Variants in MKS1 observed in about 807,000 individuals in gnomAD.
MKS1 encodes the protein tectonic-like complex member MKS1.
A neutral mutation model predicts 83.7 loss-of-function variants in MKS1; 70 were observed. That is an observed-to-expected ratio of 0.84 (90% CI 0.69 to 1.02). MKS1 has a LOEUF of 1.02. Among genes scored for constraint, MKS1 ranks in the 50% least tolerant of loss-of-function variants. The probability of loss-of-function intolerance (pLI) is 0.00; values close to 1 mark genes in which losing one functional copy is unlikely to be tolerated. For synonymous variants in MKS1, 251 were observed against 273.4 expected (o/e 0.92, Z 0.81); for missense variants, 681 against 726.9 (o/e 0.94, Z 0.73).
chr17:58,215,913 T>C, intron 4 of MKS1, 175 bp downstream of exon 4: 2 of 773,342 alleles, frequency 2.6e-6, no homozygotes, highest in East Asian at 2.7e-5. Flanking sequence ...TCACCACCTG[T>C]AGACTGTGCC....
At chr17:58,217,742 T>C (rs541139821) in intron 2 of MKS1, among the ~76,000 whole-genome samples, 1 of 152,202 alleles carries the variant, frequency 6.6e-6, no homozygotes, top group East Asian at 1.9e-4. Flanking sequence ...GAGACCAAGG[T>C]TTACAGTGAG....
chr17:58,207,067 T>A lies in MKS1; in HGVS notation c.1407+18A>T. ...CCATAAGTTCTCAGCGTGAAGTCAC[T>A]CCAAAGACAAAAGTCACCTTGAAGG... is the stretch of plus-strand genomic sequence containing the variant. On this transcript the variant is annotated intron_variant, in intron 15 of 17. Transcript: ENST00000393119. 3.1e-6 allele frequency: 5 copies of A among 1,614,050 alleles called. No homozygotes were observed. Among genetic ancestry groups the A allele is most frequent in the Non-Finnish European group, 4.2e-6 (5 of 1,179,998 alleles).
In MKS1 at chr17:58,218,590, T is replaced by C. The variant is rs766561795; in HGVS notation, c.190+30A>G. 3 of 1,475,832 alleles carry C rather than the reference T, an allele frequency of 2.0e-6. No homozygotes were observed. The Admixed American group carries it at 5.0e-5, about 25-fold the overall frequency. The allele number at this position is 1,475,832 out of a possible 1,614,324, so 91.4% of individuals were successfully genotyped here. A position where few individuals can be genotyped will look rare whatever the true frequency, so the allele number is the denominator to read the frequency against. ...TTCTGATTAGTATCATAATTAGTAT[T>C]AGATGGCACATCACCACCGTAACAC... On this transcript the variant is annotated intron_variant, in intron 2 of 17. Transcript: ENST00000393119.
chr17:58,212,441 A>C lies in MKS1; in HGVS notation c.859-7T>G. The C allele has an allele frequency of 6.2e-7, 1 of 1,614,218 alleles. No homozygotes were observed. Among genetic ancestry groups the C allele is most frequent in the Non-Finnish European group, 8.5e-7 (1 of 1,180,046 alleles). On this transcript the variant is annotated splice_region_variant and splice_polypyrimidine_tract_variant and intron_variant, in intron 8 of 17. Transcript: ENST00000393119. The stretch of plus-strand genomic sequence containing the variant: ...CCTTGTGCCGGCCATAAAGCTGAGG[A>C]AACAAACCAAACCAAAACTCAAGAT...
chr17:58,216,768 G>C lies in MKS1; in HGVS notation c.191-32C>G, dbSNP rs746921667. On this transcript the variant is annotated intron_variant, in intron 2 of 17. Coordinates refer to ENST00000393119, the MANE Select transcript of MKS1 (RefSeq NM_017777.4). The stretch of plus-strand genomic sequence containing the variant: ...AGACAACAGAGTGAATCAAATGCTT[G>C]AGCCAAACCAGCACCACTTCTTGTT... 2.5e-6 allele frequency: 4 copies of C among 1,605,824 alleles called. No individual in the cohort carries two copies. The South Asian group carries it at 4.4e-5, about 18-fold the overall frequency.
At position 58,205,918 on chromosome 17, in the gene MKS1, G is replaced by A; in HGVS notation, c.*161C>T. On this transcript the variant is annotated 3_prime_UTR_variant, in exon 18 of 18. Transcript: ENST00000393119. ...TTCCACAGGGTAGGGAGAAGACCCT[G>A]CAGAAGGCTAGGCAGAGGGGCCAGC... 1.3e-6 allele frequency: 2 copies of A among 1,488,346 alleles called. No homozygotes were observed. The highest frequency in any genetic ancestry group is 2.6e-5 in the South Asian group (2 of 76,238). 92.2% of individuals were successfully genotyped at this position (1,488,346 alleles called of 1,614,324 possible).
rs570091079 is a variant in MKS1 at position 58,218,801 on chromosome 17, G to A, written c.81-72C>T. ...AGATGAACACAAAGCAAGGATGGGG[G>A]AAACAAAACAGAGGAGGTAGGGTTG... On this transcript the variant is annotated intron_variant, in intron 1 of 17. Transcript: ENST00000393119. The A allele has an allele frequency of 6.9e-5, 93 of 1,355,522 alleles. 1 individual carries two copies. The South Asian group carries it at 1.0e-3, about 15-fold the overall frequency. 84.0% of individuals were successfully genotyped at this position (1,355,522 alleles called of 1,614,324 possible).
At chr17:58,219,028 G>A (rs756680575) in intron 1 of MKS1, 123 bp downstream of exon 1, 87 of 1,367,526 alleles carry the variant, frequency 6.4e-5, no homozygotes, top group Non-Finnish European at 7.8e-5. Context: ...GAAAGAAGTG[G>A]GGAGCCCGGA....
chr17:58,205,885 G>T lies in MKS1; in HGVS notation c.*194C>A. The T allele has an allele frequency of 6.9e-7, 1 of 1,444,220 alleles. No individual in the cohort carries two copies. Among genetic ancestry groups the T allele is most frequent in the Non-Finnish European group, 9.1e-7 (1 of 1,097,638 alleles). The allele number at this position is 1,444,220 out of a possible 1,614,324, so 89.5% of individuals were successfully genotyped here. ...ATAAAGGGGGGGCCACAGGGTCTCTGGCTTTATTTCCACAGGGTAGGGAGA... is the reference window on the plus strand; with the variant it reads ...ATAAAGGGGGGGCCACAGGGTCTCTTGCTTTATTTCCACAGGGTAGGGAGA... On this transcript the variant is annotated 3_prime_UTR_variant, in exon 18 of 18. Coordinates refer to ENST00000393119, the MANE Select transcript of MKS1 (RefSeq NM_017777.4).
rs545852012 is a variant in MKS1, at chr17:58,216,082, C to G, written c.417+6G>C. ...GGAAGCTATGAGACCCTAGAAAGAACAATACCTCCTCCAAATTGGTGTATC... is the reference window on the plus strand; with the variant it reads ...GGAAGCTATGAGACCCTAGAAAGAAGAATACCTCCTCCAAATTGGTGTATC... On this transcript the variant is annotated splice_donor_region_variant and intron_variant, in intron 4 of 17. Coordinates refer to ENST00000393119, the MANE Select transcript of MKS1 (RefSeq NM_017777.4). 1 of 1,614,098 alleles carries G rather than the reference C, an allele frequency of 6.2e-7. No individual in the cohort carries two copies. The highest frequency in any genetic ancestry group is 1.3e-5 in the African/African-American group (1 of 75,050).
intron 15 of MKS1, 68 bp downstream of exon 15, chr17:58,207,017 T>A (rs1968554175): frequency 6.2e-7 from 1 of 1,606,462 alleles, no homozygotes; most frequent in South Asian, 1.1e-5. Flanking sequence ...TTGACCCAGA[T>A]CCCACCTCCT....
In MKS1 at chr17:58,211,004, G is replaced by A. The variant is rs767763740; in HGVS notation, c.934C>T (p.Arg312Trp). ...DFEMTVPGAL[R>W]LFVNGEVVSA... is the part of the protein sequence containing the mutation. ...CCGACCTCTCCATTTACAAAGAGCC[G>A]GAGGGCACCTGGGACAGTCTAAGGT... Residue 312 changes from arginine to tryptophan, a missense_variant, in exon 10 of 18, where the codon CGG (arginine) becomes TGG (tryptophan). Coordinates refer to ENST00000393119, the MANE Select transcript of MKS1 (RefSeq NM_017777.4). 2.0e-5 allele frequency: 32 copies of A among 1,613,920 alleles called. No individual in the cohort carries two copies. The highest frequency in any genetic ancestry group is 8.8e-5 in the South Asian group (8 of 91,076).
At position 58,207,218 on chromosome 17, in the gene MKS1, C is replaced by T; in HGVS notation, c.1274G>A (p.Gly425Asp). 1 of 1,613,988 alleles carries T rather than the reference C, an allele frequency of 6.2e-7. No homozygotes were observed. Among genetic ancestry groups the T allele is most frequent in the South Asian group, 1.1e-5 (1 of 91,074 alleles). ...YGAVVLPATPGSHTLTVSTWR... is the reference protein window; with the variant it reads ...YGAVVLPATPDSHTLTVSTWR... ...CGTGGAGACTGTCAGGGTGTGTGAG[C>T]CTGCGCAAGGGAAGAGAAGACTGGG... The change falls in exon 15 of 18, where the codon GGC (glycine) becomes GAC (aspartate). Residue 425 changes from glycine (G) to aspartate (D), a missense_variant and splice_region_variant. Physicochemically the swap from Gly to Asp is moderately conservative, Grantham distance 94 (BLOSUM62 -1). Transcript: ENST00000393119.
intron 4 of MKS1, chr17:58,215,879 C>T: frequency 1.6e-6 from 1 of 609,550 alleles, no homozygotes; most frequent in Non-Finnish European, 2.9e-6. Flanking sequence ...GGCCCTCTAG[C>T]AGGCAGAGAA....
chr17:58,205,468 AAAACAAAAAAACAAAC>A lies in MKS1; in HGVS notation c.*595_*610del, dbSNP rs1173475706. The stretch of plus-strand genomic sequence containing the variant: ...AAAATAAAAGGGGTTTATGTAACAA[AAAACAAAAAAACAAAC>A]AAACAAAAAAACACAGTAAAAGATA... On this transcript the variant is annotated 3_prime_UTR_variant, in exon 18 of 18. Coordinates refer to ENST00000393119, the MANE Select transcript of MKS1 (RefSeq NM_017777.4). 4.8e-6 allele frequency: 6 copies of A among 1,247,296 alleles called. No individual in the cohort carries two copies. In the East Asian group the frequency reaches 1.7e-4, roughly 35 times the overall value. 77.3% of individuals were successfully genotyped at this position (1,247,296 alleles called of 1,614,324 possible). A position where few individuals can be genotyped will look rare whatever the true frequency, so the allele number is the denominator to read the frequency against.
intron 14 of MKS1, 135 bp downstream of exon 14, chr17:58,207,759 G>C (rs769272253): frequency 1.1e-6 from 1 of 876,442 alleles, no homozygotes; most frequent in South Asian, 1.4e-5. Flanking sequence ...AGTCCTCAGA[G>C]GAACAGGAAC....
In MKS1 at chr17:58,216,251, TA is replaced by T. The variant is rs1284399606; in HGVS notation, c.262-9del. The T allele has an allele frequency of 1.2e-6, 2 of 1,611,296 alleles. No homozygotes were observed. The highest frequency in any genetic ancestry group is 2.7e-5 in the African/African-American group (2 of 74,936). On this transcript the variant is annotated splice_polypyrimidine_tract_variant and intron_variant, in intron 3 of 17. Transcript: ENST00000393119. ...GTACAGATCTACTTCAAACTGAGGT[TA>T]CCATAAGGAAACAGAGATGTGTACA... is the stretch of plus-strand genomic sequence containing the variant.
chr17:58,206,508 T>G lies in MKS1; in HGVS notation c.1447A>C (p.Thr483Pro), dbSNP rs369380403. The G allele has an allele frequency of 2.5e-6, 4 of 1,613,900 alleles. No individual in the cohort carries two copies. The African/African-American group carries it at 5.3e-5, about 22-fold the overall frequency. Residue 483 changes from threonine to proline, a missense_variant, in exon 16 of 18, where the codon ACA becomes CCA. Physicochemically the swap from Thr to Pro is conservative, Grantham distance 38 (BLOSUM62 -1). Coordinates refer to ENST00000393119, the MANE Select transcript of MKS1 (RefSeq NM_017777.4). The stretch of plus-strand genomic sequence containing the variant: ...TGCAAGCGGAAGGTGACAGTGCCTG[T>G]GGTCTCTGTGCGGAGTCCAAAGCGG... ...LSRFGLRTET[T>P]GTVTFRLHCL...
chr17:58,208,429 CA>C, intron 12 of MKS1, 83 bp downstream of exon 12: 1 of 1,501,606 alleles, frequency 6.7e-7, no homozygotes, highest in Non-Finnish European at 9.2e-7. Flanking sequence ...CCAGGGCGCA[CA>C]GCACTTGGCC....
Sources: allele counts gnomAD v4.1 joint callset (sites outside exome capture counted in the v4.1 genomes callset), GRCh38; gene constraint gnomAD v4.1.1; transcripts MANE v1.5; gene names NCBI Gene and HGNC (gene_info 2026-07-23, HGNC 2026-07-21).